CNOT4: variants seen among roughly 807,000 people sequenced by gnomAD.
CNOT4 encodes CCR4-associated factor 4.
A neutral mutation model predicts 73.8 loss-of-function variants in CNOT4; 8 were observed. That is an observed-to-expected ratio of 0.11 (90% CI 0.06 to 0.20). CNOT4 has a LOEUF of 0.20. CNOT4 is among the 10% of genes least tolerant of loss of function. The pLI is 1.00. For synonymous variants in CNOT4, 293 were observed against 321.1 expected, an observed-to-expected ratio of 0.91 and a Z score of 0.94; for missense variants, 564 against 883.4, an observed-to-expected ratio of 0.64 and a Z score of 4.58.
At chr7:135,461,327 T>C (rs765071533) in intron 1 of CNOT4, among the ~76,000 whole-genome samples, 53 of 152,274 alleles carry the variant, frequency 3.5e-4, no homozygotes, top group Non-Finnish European at 6.3e-4. Flanking sequence ...AAGATTCTTA[T>C]TAGAATAAAT....
chr7:135,412,847 G>A (rs997711977), intron 6 of CNOT4, among the ~76,000 whole-genome samples: 1 of 151,830 alleles, frequency 6.6e-6, no homozygotes, highest in Non-Finnish European at 1.5e-5. Context: ...TTAATATGTC[G>A]TATGGTCAAC....
At chr7:135,395,536 G>A (rs1796629005) in intron 9 of CNOT4, 98 bp downstream of exon 9, 2 of 1,334,466 alleles carry the variant, frequency 1.5e-6, no homozygotes, top group Non-Finnish European at 2.1e-6. Flanking sequence ...GAACAGAGAG[G>A]CAAAAGATAA....
chr7:135,443,543 T>C (rs1402602481), intron 1 of CNOT4, among the ~76,000 whole-genome samples: 1 of 152,188 alleles, frequency 6.6e-6, no homozygotes, highest in Non-Finnish European at 1.5e-5. Context: ...TTACTGATGT[T>C]GGAGCTATGT....
At chr7:135,367,520 T>C (rs779551026) in intron 10 of CNOT4, among the ~76,000 whole-genome samples, 2 of 152,118 alleles carry the variant, frequency 1.3e-5, no homozygotes, top group Non-Finnish European at 2.9e-5. Context: ...AGGATAAAAA[T>C]AAGAGAAGGA....
At chr7:135,409,898 A>G (rs147726177) in intron 7 of CNOT4, among the ~76,000 whole-genome samples, 226 of 152,314 alleles carry the variant, frequency 1.5e-3, no homozygotes, top group African/African-American at 5.1e-3. Flanking sequence ...GAAGATCAAC[A>G]TATCAGAATG....
intron 1 of CNOT4, among the ~76,000 whole-genome samples, chr7:135,497,562 G>A (rs1400743483): frequency 1.3e-5 from 2 of 152,116 alleles, no homozygotes; most frequent in African/African-American, 4.8e-5. Flanking sequence ...TGTCCTTATA[G>A]TGAAATAATT....
chr7:135,492,050 T>C (rs1458335496), intron 1 of CNOT4, among the ~76,000 whole-genome samples: 1 of 152,232 alleles, frequency 6.6e-6, no homozygotes, highest in Non-Finnish European at 1.5e-5. Flanking sequence ...AGTGTTCTTC[T>C]GACTGCTTGC....
At chr7:135,381,204 A>G (rs1190851234) in intron 10 of CNOT4, among the ~76,000 whole-genome samples, 1 of 152,248 alleles carries the variant, frequency 6.6e-6, no homozygotes, top group Non-Finnish European at 1.5e-5. Context: ...CACCAAAATG[A>G]CATGAGACAT....
At chr7:135,432,269 G>A (rs1000152589) in intron 2 of CNOT4, among the ~76,000 whole-genome samples, 1 of 152,084 alleles carries the variant, frequency 6.6e-6, no homozygotes, top group Non-Finnish European at 1.5e-5. Context: ...TTCTGCAAAC[G>A]ATGCTGCAAC....
At chr7:135,457,424 A>C (rs554694531) in intron 1 of CNOT4, among the ~76,000 whole-genome samples, 5 of 152,104 alleles carry the variant, frequency 3.3e-5, no homozygotes, top group Non-Finnish European at 5.9e-5. Context: ...TTGTGGAAAG[A>C]AGCATTCTCT....
intron 10 of CNOT4, chr7:135,388,188 C>T (rs1001035323): frequency 4.1e-6 from 4 of 985,022 alleles, no homozygotes; most frequent in Non-Finnish European, 4.8e-6. Context: ...AACAACCATT[C>T]AAAAAGAAAG....
chr7:135,499,412 G>A (rs1585739612), intron 1 of CNOT4, among the ~76,000 whole-genome samples: 1 of 151,646 alleles, frequency 6.6e-6, no homozygotes, highest in East Asian at 1.9e-4. Context: ...CTTTTCCTGG[G>A]TAAGGAAAGC....
Position 135,363,063 on chromosome 7 carries a change from T to A in CNOT4, c.1964A>T (p.His655Leu), listed in dbSNP as rs779622907. 2.5e-6 allele frequency: 4 copies of A among 1,613,846 alleles called. No homozygotes were observed. In the South Asian group the frequency reaches 4.4e-5, roughly 18 times the overall value. Residue 655 changes from histidine to leucine, a missense_variant, in exon 12 of 12, where the codon CAC becomes CTC. His to Leu is a moderately conservative substitution (Grantham distance 99). This residue lies in a region of CNOT4 where 88 missense variants were observed against 94.7 expected (regional missense o/e 0.93). Coordinates refer to ENST00000541284, the MANE Select transcript of CNOT4 (RefSeq NM_001190850.2). The surrounding 1 kb of genome is among the most constrained non-coding windows in gnomAD (Gnocchi z 4.3). The part of the protein sequence containing the change: ...DGPSAAPSQT[H>L]HSAPFSTQIP... ...CTGTGTGCTGAAGGGGGCGCTGTGG[T>A]GGGTCTGTGATGGAGCAGCGCTGGG... is the stretch of plus-strand genomic sequence containing the variant.
chr7:135,414,495 C>A (rs1797745239), intron 4 of CNOT4, 63 bp from the exon 5 acceptor site: 4 of 749,566 alleles, frequency 5.3e-6, no homozygotes, highest in Non-Finnish European at 7.1e-6. Flanking sequence ...TAAAAAAATT[C>A]TACTGCAACC....
intron 10 of CNOT4, chr7:135,388,403 T>C (rs980474534): frequency 1.0e-6 from 1 of 983,812 alleles, no homozygotes; most frequent in African/African-American, 1.7e-5. Flanking sequence ...TGCAAATTTT[T>C]CAGGAGATTA....
intron 10 of CNOT4, among the ~76,000 whole-genome samples, chr7:135,383,998 C>T (rs1345478435): frequency 5.3e-5 from 8 of 152,136 alleles, no homozygotes; most frequent in Non-Finnish European, 1.0e-4. Context: ...GAGGAACATA[C>T]AAAACCACAT....
chr7:135,461,429 C>T (rs1214604145), intron 1 of CNOT4, among the ~76,000 whole-genome samples: 1 of 152,018 alleles, frequency 6.6e-6, no homozygotes, highest in African/African-American at 2.4e-5. Context: ...CCCTGTACAC[C>T]CAGCTGTGGC....
chr7:135,394,106 T>A lies in CNOT4; in HGVS notation c.1439A>T (p.Gln480Leu). 16 of 1,614,176 alleles carry A rather than the reference T, an allele frequency of 9.9e-6. No individual in the cohort carries two copies. The highest frequency in any genetic ancestry group is 1.4e-5 in the Non-Finnish European group (16 of 1,180,022). Reference protein sequence around the residue: ...SVLPQRFPQFQQHRAVYNSFS... With the variant: ...SVLPQRFPQFLQHRAVYNSFS... ...TGAATTATAAACCGCTCGGTGCTGC[T>A]GAAATTGAGGGAACCTCTGGGGCAA... Residue 480 changes from glutamine to leucine, a missense_variant, in exon 10 of 12, where the codon CAG becomes CTG. Coordinates refer to ENST00000541284, the MANE Select transcript of CNOT4 (RefSeq NM_001190850.2).
At chr7:135,440,912 C>CAA (rs77371734) in intron 1 of CNOT4, among the ~76,000 whole-genome samples, 2 of 105,008 alleles carry the variant, frequency 1.9e-5, no homozygotes, top group Non-Finnish European at 2.0e-5. Context: ...GACTCCGTCT[C>CAA]AAAAAAAAAA....
Sources: gnomAD v4.1 joint callset for allele counts (sites outside exome capture counted in the v4.1 genomes callset) on GRCh38, gnomAD v4.1.1 for gene constraint, gnomAD v4.1.1 regional missense constraint, Gnocchi (gnomAD v3.1) non-coding constraint, MANE v1.5 for transcripts, NCBI Gene and HGNC (gene_info 2026-07-23, HGNC 2026-07-21) for gene names.